PPP2R1B: variants seen among roughly 807,000 people sequenced by gnomAD.
The protein encoded by PPP2R1B is protein phosphatase 2 scaffold subunit Abeta.
In PPP2R1B, 58 loss-of-function variants were observed where a neutral mutation model predicts 72.7. That is an observed-to-expected ratio of 0.80 (90% confidence interval 0.65 to 0.99). The LOEUF is 0.99. Ranked by LOEUF, PPP2R1B falls within the 50% of genes least tolerant of loss-of-function variation. The pLI is 0.00. For synonymous variants in PPP2R1B, 256 were observed against 264.6 expected (o/e 0.97, Z 0.32); for missense variants, 695 against 733.6 (o/e 0.95, Z 0.61).
the PPP2R1B span, among the ~76,000 whole-genome samples, chr11:111,715,682 A>C: frequency 6.6e-6 from 1 of 152,086 alleles, no homozygotes; most frequent in Non-Finnish European, 1.5e-5. Context: ...CATGGGGGCC[A>C]TATGGGAGGG....
chr11:111,753,440 C>T lies in PPP2R1B; in HGVS notation c.1164+3G>A. 2 of 1,611,396 alleles carry T rather than the reference C, an allele frequency of 1.2e-6. No individual in the cohort carries two copies. Among genetic ancestry groups the T allele is most frequent in the Non-Finnish European group, 1.7e-6 (2 of 1,179,396 alleles). ...AGGCAACAGAACATAAAGCAAGACC[C>T]ACCTCATCCTTTAACTGAGCTAAGA... is the stretch of plus-strand genomic sequence containing the variant. On this transcript the variant is annotated splice_donor_region_variant and intron_variant, in intron 9 of 14. Transcript: ENST00000527614.
Position 111,765,036 on chromosome 11 carries a change from T to G in PPP2R1B, c.206-131A>C. The G allele has an allele frequency of 3.5e-6, 5 of 1,432,188 alleles. No homozygotes were observed. In the South Asian group the frequency reaches 7.0e-5, roughly 20 times the overall value. The allele number at this position is 1,432,188 out of a possible 1,614,324, so 88.7% of individuals were successfully genotyped here. Reference sequence around the variant, plus strand: ...AGTCAAAATCCTAACAGCATTTTCTTTCTTCTCAACCGTCTTCCTGTATCT... The same window carrying G: ...AGTCAAAATCCTAACAGCATTTTCTGTCTTCTCAACCGTCTTCCTGTATCT... On this transcript the variant is annotated intron_variant, in intron 2 of 14. Coordinates refer to ENST00000527614, the MANE Select transcript of PPP2R1B (RefSeq NM_002716.5).
At chr11:111,746,988 A>C in intron 11 of PPP2R1B, among the ~76,000 whole-genome samples, 1 of 152,190 alleles carries the variant, frequency 6.6e-6, no homozygotes, top group East Asian at 1.9e-4. Context: ...AACCACCCAC[A>C]CGTATAAGCA....
the PPP2R1B span, chr11:111,712,233 T>C: frequency 1.9e-6 from 3 of 1,614,230 alleles, no homozygotes; most frequent in South Asian, 3.3e-5. Flanking sequence ...GGGCTCCCAG[T>C]GACCATGCAT....
downstream of PPP2R1B, chr11:111,737,304 C>T: frequency 8.1e-7 from 1 of 1,241,432 alleles, no homozygotes; most frequent in South Asian, 1.4e-5. Context: ...TACTCCCGGC[C>T]CTTAAAATTG....
At chr11:111,722,736 G>A, downstream of PPP2R1B, 1 of 1,614,112 alleles carries the variant, frequency 6.2e-7, no homozygotes, top group African/African-American at 1.3e-5. This position sits in a 1 kb window ranked among gnomAD's most constrained non-coding sequence, Gnocchi z 4.4. Context: ...GGAGCCTTGA[G>A]CAGCAGCTGC....
At position 111,766,310 on chromosome 11, in the gene PPP2R1B, C is replaced by T. The variant is rs1555053160; in HGVS notation, c.52G>A (p.Gly18Arg). The change falls in exon 1 of 15, where the codon GGA (glycine) becomes AGA (arginine). Residue 18 changes from glycine (G) to arginine (R), a missense_variant. Coordinates refer to ENST00000527614, the MANE Select transcript of PPP2R1B (RefSeq NM_002716.5). ...GCGATCGGGTATAGCGAATCATCTC[C>T]ATCTCCACCCGCTGCTCCTGGGCCG... ...GTGPGAAGGD[G>R]DDSLYPIAVL... 32 of 1,604,254 alleles carry T rather than the reference C, an allele frequency of 2.0e-5. No homozygotes were observed. Among genetic ancestry groups the T allele is most frequent in the Non-Finnish European group, 2.5e-5 (30 of 1,176,738 alleles).
Position 111,761,009 on chromosome 11 carries a change from GAAC to G in PPP2R1B, c.346_348del (p.Val116del). The G allele has an allele frequency of 6.2e-7, 1 of 1,614,106 alleles. No individual in the cohort carries two copies. The highest frequency in any genetic ancestry group is 8.5e-7 in the Non-Finnish European group (1 of 1,180,022). On this transcript the variant is annotated inframe_deletion, in exon 4 of 15. Coordinates refer to ENST00000527614, the MANE Select transcript of PPP2R1B (RefSeq NM_002716.5). ...CTCAGGGACTCCACAGCCTTGTCACGAACAACAGTCTCTTCCACAGTTGCCAGA... is the reference window on the plus strand; with the variant it reads ...CTCAGGGACTCCACAGCCTTGTCACGAACAGTCTCTTCCACAGTTGCCAGA...
At chr11:111,705,277 T>A in the PPP2R1B span, 1 of 840,090 alleles carries the variant, frequency 1.2e-6, no homozygotes, top group Non-Finnish European at 1.6e-6. The surrounding 1 kb of genome is among the most constrained non-coding windows in gnomAD (Gnocchi z 4.3). Flanking sequence ...TGCCATTCAC[T>A]AGATTCTCAA....
downstream of PPP2R1B, chr11:111,724,451 G>T: frequency 6.1e-6 from 2 of 329,920 alleles, no homozygotes; most frequent in South Asian, 4.6e-5. Context: ...TGTTATGCAG[G>T]ATTACATCCG....
the PPP2R1B span, chr11:111,712,065 A>G: frequency 1.2e-6 from 1 of 827,510 alleles, no homozygotes; most frequent in Non-Finnish European, 1.9e-6. Flanking sequence ...CCATGTATAT[A>G]TTTCACTAAA....
chr11:111,737,769 C>T, downstream of PPP2R1B: 2 of 1,319,494 alleles, frequency 1.5e-6, no homozygotes. Flanking sequence ...TCCCTCGGGG[C>T]CCTGGAAAGC....
At chr11:111,754,758 C>T (rs1945039223) in intron 7 of PPP2R1B, among the ~76,000 whole-genome samples, 189 bp from the exon 8 acceptor site, 1 of 151,996 alleles carries the variant, frequency 6.6e-6, no homozygotes. Flanking sequence ...ACCAATCCAA[C>T]CTGAAAGGCA....
chr11:111,765,313 T>A lies in PPP2R1B; in HGVS notation c.186A>T (p.Glu62Asp). The change falls in exon 2 of 15, where the codon GAA becomes GAT. Residue 62 changes from glutamate (E) to aspartate (D), a missense_variant. Transcript: ENST00000527614. ...ACATACCTGTAAGAAATGGCAACAA[T>A]TCACTTCGGGTCCTTTCTACTCCAA... ...LALGVERTRS[E>D]LLPFLTDTIY... is the part of the protein sequence containing the mutation. The A allele has an allele frequency of 4.3e-6, 7 of 1,612,428 alleles. No homozygotes were observed. Among genetic ancestry groups the A allele is most frequent in the Non-Finnish European group, 5.9e-6 (7 of 1,178,494 alleles).
intron 8 of PPP2R1B, 33 bp downstream of exon 8, chr11:111,754,466 A>G (rs1945025011): frequency 6.3e-7 from 1 of 1,584,686 alleles, no homozygotes. Flanking sequence ...CCTTCATATA[A>G]AAGAGAGTGA....
chr11:111,736,025 TGAAGCCTCA>T (rs1944330794), downstream of PPP2R1B, among the ~76,000 whole-genome samples: 1 of 152,150 alleles, frequency 6.6e-6, no homozygotes, highest in Non-Finnish European at 1.5e-5. Context: ...TTAAATGAAC[TGAAGCCTCA>T]GAGGCCTAGC....
chr11:111,741,560 A>G lies in PPP2R1B; in HGVS notation c.*36T>C, dbSNP rs369682040. The G allele has an allele frequency of 1.9e-6, 3 of 1,607,060 alleles. No homozygotes were observed. Among genetic ancestry groups the G allele is most frequent in the African/African-American group, 1.3e-5 (1 of 74,516 alleles). ...ACACATTGACTAGAAATTTGTGACA[A>G]GAATCTAGTAAAGGCCTTTTCCCTC... On this transcript the variant is annotated 3_prime_UTR_variant, in exon 15 of 15. Coordinates refer to ENST00000527614, the MANE Select transcript of PPP2R1B (RefSeq NM_002716.5).
At chr11:111,711,542 A>ATAGCTTGCAGTAAGCG in the PPP2R1B span, among the ~76,000 whole-genome samples, 11 of 152,370 alleles carry the variant, frequency 7.2e-5, no homozygotes, top group East Asian at 5.8e-4. Context: ...CTTCAAAAAC[A>ATAGCTTGCAGTAAGCG]TAGCTTGCAG....
rs368015655 is a variant in PPP2R1B at position 111,766,350 on chromosome 11, T to C, written c.12A>G (p.Ala4=). MAG[A]SELGTGPGAA... ...CTCCTGGGCCGGTCCCGAGCTCTGA[T>C]GCGCCCGCCATGTTCTTTCTCCTCC... The change falls in exon 1 of 15, where the codon GCA becomes GCG. Residue 4 remains alanine, a synonymous_variant. Coordinates refer to ENST00000527614, the MANE Select transcript of PPP2R1B (RefSeq NM_002716.5). 7.5e-6 allele frequency: 11 copies of C among 1,472,108 alleles called. No individual in the cohort carries two copies. The highest frequency in any genetic ancestry group is 4.0e-5 in the Admixed American group (2 of 49,790). The allele number at this position is 1,472,108 out of a possible 1,614,324, so 91.2% of individuals were successfully genotyped here. A position where few individuals can be genotyped will look rare whatever the true frequency, so the allele number is the denominator to read the frequency against.
Sources: allele counts gnomAD v4.1 joint callset (sites outside exome capture counted in the v4.1 genomes callset), GRCh38; gene constraint gnomAD v4.1.1; non-coding constraint Gnocchi (gnomAD v3.1); transcripts MANE v1.5; gene names NCBI Gene and HGNC (gene_info 2026-07-23, HGNC 2026-07-21).